The following TRAPPC9 variants were observed in gnomAD, a reference collection of about 807,000 sequenced individuals.
TRAPPC9 encodes the protein IKK2 binding protein.
Under a neutral mutation model 124.0 loss-of-function variants are expected in TRAPPC9, and 83 were observed. That is an observed-to-expected ratio of 0.67 (90% CI 0.56 to 0.80). The LOEUF is 0.80. Among genes scored for constraint, TRAPPC9 ranks in the 30% least tolerant of loss-of-function variants. The pLI, the probability that TRAPPC9 is intolerant of heterozygous loss-of-function variation, is 0.00. For synonymous variants in TRAPPC9, 638 were observed against 617.5 expected, an observed-to-expected ratio of 1.03 and a Z score of -0.49; for missense variants, 1,302 against 1,508.3, an observed-to-expected ratio of 0.86 and a Z score of 2.27.
At chr8:139,948,280 C>T (rs1240342922) in intron 19 of TRAPPC9, among the ~76,000 whole-genome samples, 1 of 151,170 alleles carries the variant, frequency 6.6e-6, no homozygotes, top group African/African-American at 2.4e-5. Flanking sequence ...CACACACACA[C>T]ACACACACAC....
chr8:140,016,597 C>G (rs1190574021), intron 18 of TRAPPC9, among the ~76,000 whole-genome samples: 3 of 152,186 alleles, frequency 2.0e-5, no homozygotes, highest in African/African-American at 7.2e-5. Context: ...TAACTTTGTG[C>G]TGACCCCATT....
rs1038453528 is a variant in TRAPPC9 at position 140,089,797 on chromosome 8, C to A, written c.2557-65718G>T. Among the ~76,000 whole-genome samples, 9 of 152,166 alleles carry A rather than the reference C, an allele frequency of 5.9e-5. No individual in the cohort carries two copies. The South Asian group carries it at 8.3e-4, about 14-fold the overall frequency. On this transcript the variant is annotated intron_variant, in intron 17 of 22. Coordinates refer to ENST00000438773, the MANE Select transcript of TRAPPC9 (RefSeq NM_001160372.4). ...GTTTGCTTAAAAACATAAGGGCAGG[C>A]AGCTAGGTGTGGTGGCTCACACCTG...
rs973845437 is a variant in TRAPPC9 at position 139,961,679 on chromosome 8, G to A, written c.2810+27047C>T. Among the ~76,000 whole-genome samples, 12 of 123,588 alleles carry A rather than the reference G, an allele frequency of 9.7e-5. 4 individuals are homozygous for A. Among genetic ancestry groups the A allele is most frequent in the Non-Finnish European group, 2.3e-4 (12 of 51,778 alleles). 81.1% of individuals were successfully genotyped at this position (123,588 alleles called of 152,430 possible). A position where few individuals can be genotyped will look rare whatever the true frequency, so the allele number is the denominator to read the frequency against. On this transcript the variant is annotated intron_variant, in intron 19 of 22. Coordinates refer to ENST00000438773, the MANE Select transcript of TRAPPC9 (RefSeq NM_001160372.4). ...AAAGGACCCTCCCCTCATCCCTGCA[G>A]GCTCAGGGGTGTCTGCTCCCACTGC...
At chr8:140,237,149 C>A (rs887961977) in intron 16 of TRAPPC9, among the ~76,000 whole-genome samples, 2 of 151,990 alleles carry the variant, frequency 1.3e-5, no homozygotes, top group Non-Finnish European at 2.9e-5. Flanking sequence ...CCACTGCACT[C>A]TGGCCTAGGC....
At chr8:140,108,559 A>G (rs2060708828) in intron 17 of TRAPPC9, among the ~76,000 whole-genome samples, 1 of 152,208 alleles carries the variant, frequency 6.6e-6, no homozygotes, top group East Asian at 1.9e-4. Flanking sequence ...ATCTACGCCT[A>G]CCCTCACAGG....
intron 21 of TRAPPC9, among the ~76,000 whole-genome samples, chr8:139,883,271 A>G (rs1365626842): frequency 6.6e-6 from 1 of 152,266 alleles, no homozygotes; most frequent in East Asian, 1.9e-4. Flanking sequence ...GGCCCTCGCC[A>G]GACATAGCTC....
At chr8:140,119,837 C>T (rs1481470072) in intron 17 of TRAPPC9, among the ~76,000 whole-genome samples, 3 of 152,134 alleles carry the variant, frequency 2.0e-5, no homozygotes, top group Non-Finnish European at 4.4e-5. Context: ...GAAAGGAACC[C>T]CCCTTCCTCT....
At chr8:140,038,564 G>C (rs1490901895) in intron 17 of TRAPPC9, among the ~76,000 whole-genome samples, 3 of 152,184 alleles carry the variant, frequency 2.0e-5, no homozygotes, top group Non-Finnish European at 2.9e-5. Context: ...CTGGCTCCAC[G>C]CACACTGCTG....
intron 7 of TRAPPC9, among the ~76,000 whole-genome samples, chr8:140,371,837 G>A (rs963912350): frequency 1.9e-4 from 29 of 152,120 alleles, no homozygotes; most frequent in African/African-American, 7.0e-4. Context: ...CAGTGTAGCT[G>A]AGATTACAAG....
intron 19 of TRAPPC9, among the ~76,000 whole-genome samples, chr8:139,915,402 A>C (rs1268362235): frequency 6.6e-6 from 1 of 152,090 alleles, no homozygotes; most frequent in African/African-American, 2.4e-5. Context: ...GCATACTACC[A>C]CATCTGGCTA....
intron 2 of TRAPPC9, among the ~76,000 whole-genome samples, chr8:140,444,126 T>G (rs2071152451): frequency 6.8e-6 from 1 of 146,498 alleles, no homozygotes; most frequent in South Asian, 2.2e-4. Context: ...GCAAAAGAAT[T>G]GCTTGAACCT....
At chr8:140,395,768 C>A (rs1290123113) in intron 7 of TRAPPC9, among the ~76,000 whole-genome samples, 1 of 152,124 alleles carries the variant, frequency 6.6e-6, no homozygotes, top group Non-Finnish European at 1.5e-5. Flanking sequence ...TCCTCCACCC[C>A]CTGCCCTGTC....
rs571420958 is a variant in TRAPPC9, at chr8:140,071,654, A to T, written c.2557-47575T>A. ...AGATGGGGACGGTAACGCCTGCCCC[A>T]CAGGGTCTCTGGGGGTTAAGTTGAT... On this transcript the variant is annotated intron_variant, in intron 17 of 22. Transcript: ENST00000438773. 2.6e-5 allele frequency among the ~76,000 whole-genome samples: 4 copies of T among 152,200 alleles called. No homozygotes were observed. In the East Asian group the frequency reaches 7.7e-4, roughly 29 times the overall value.
intron 17 of TRAPPC9, among the ~76,000 whole-genome samples, chr8:140,065,051 G>T (rs1039039179): frequency 6.6e-6 from 1 of 152,192 alleles, no homozygotes; most frequent in Non-Finnish European, 1.5e-5. Flanking sequence ...TTGGCAGTAA[G>T]ATATCATCCC....
Position 140,311,235 on chromosome 8 carries a change from G to A in TRAPPC9, c.1622+13C>T. ...GGGCAGCTGCCTTTCCGGCTCTGCAGTGCCCATCTCACCTGACGATGGGAA... is the reference window on the plus strand; with the variant it reads ...GGGCAGCTGCCTTTCCGGCTCTGCAATGCCCATCTCACCTGACGATGGGAA... On this transcript the variant is annotated intron_variant, in intron 10 of 22. Coordinates refer to ENST00000438773, the MANE Select transcript of TRAPPC9 (RefSeq NM_001160372.4). The A allele has an allele frequency of 6.2e-7, 1 of 1,609,158 alleles. No individual in the cohort carries two copies. The highest frequency in any genetic ancestry group is 8.5e-7 in the Non-Finnish European group (1 of 1,179,882).
chr8:139,905,125 A>G (rs1208358176), intron 20 of TRAPPC9, among the ~76,000 whole-genome samples: 1 of 152,194 alleles, frequency 6.6e-6, no homozygotes, highest in Non-Finnish European at 1.5e-5. Flanking sequence ...ATAGCAAATA[A>G]GCCCAGCTCT....
At chr8:140,443,423 A>C (rs573099682) in intron 2 of TRAPPC9, among the ~76,000 whole-genome samples, 1 of 151,008 alleles carries the variant, frequency 6.6e-6, no homozygotes, top group Admixed American at 6.6e-5. Context: ...GCGACAGAGC[A>C]AGACTCCATC....
Position 140,261,746 on chromosome 8 carries a change from G to A in TRAPPC9, c.2279-8817C>T, listed in dbSNP as rs983752589. Among the ~76,000 whole-genome samples the A allele has an allele frequency of 3.2e-4, 48 of 152,090 alleles. 1 individual carries two copies. The highest frequency in any genetic ancestry group is 1.8e-3 in the Admixed American group (28 of 15,270). On this transcript the variant is annotated intron_variant, in intron 15 of 22. Transcript: ENST00000438773. Reference sequence around the variant, plus strand: ...CTTAAACGTGCTTCAACTGAGAGACGAACCCTGTCAAAATGGACTGTGAAT... The same window carrying A: ...CTTAAACGTGCTTCAACTGAGAGACAAACCCTGTCAAAATGGACTGTGAAT...
At chr8:140,274,023 G>C (rs1055587653) in intron 15 of TRAPPC9, among the ~76,000 whole-genome samples, 2 of 152,164 alleles carry the variant, frequency 1.3e-5, no homozygotes, top group Non-Finnish European at 2.9e-5. Flanking sequence ...CCACCTCCCT[G>C]TGATCTCCTT....
Sources: allele counts gnomAD v4.1 joint callset (sites outside exome capture counted in the v4.1 genomes callset), GRCh38; gene constraint gnomAD v4.1.1; transcripts MANE v1.5; gene names NCBI Gene and HGNC (gene_info 2026-07-23, HGNC 2026-07-21).